CDH13: variants seen among roughly 807,000 people sequenced by gnomAD.
CDH13 encodes the protein cadherin-13.
Under a neutral mutation model 63.8 loss-of-function variants are expected in CDH13, and 24 were observed. The observed-to-expected ratio is 0.38, with a 90% CI of 0.27 to 0.53. CDH13 has a LOEUF of 0.53. Among genes scored for constraint, CDH13 ranks in the 20% least tolerant of loss-of-function variants. The pLI is 0.85. For missense variants in CDH13, 1,049 were observed against 903.1 expected (o/e 1.16, Z -2.07); for synonymous variants, 503 against 355.3 (o/e 1.42, Z -4.67).
intron 3 of CDH13, among the ~76,000 whole-genome samples, chr16:83,048,904 C>T (rs984881314): frequency 6.6e-6 from 1 of 152,108 alleles, no homozygotes; most frequent in Non-Finnish European, 1.5e-5. Flanking sequence ...AAGCCATCTT[C>T]ACTCAACATC....
At chr16:82,656,986 A>G (rs1911375669) in intron 1 of CDH13, among the ~76,000 whole-genome samples, 1 of 147,812 alleles carries the variant, frequency 6.8e-6, no homozygotes, top group African/African-American at 2.5e-5. Flanking sequence ...TTATCCATTG[A>G]CCTACTTAAG....
chr16:83,711,018 A>G (rs1325784912), intron 10 of CDH13, among the ~76,000 whole-genome samples: 2 of 152,228 alleles, frequency 1.3e-5, no homozygotes, highest in African/African-American at 4.8e-5. Context: ...GCTGCTCAGC[A>G]TGGATCAGTG....
intron 1 of CDH13, among the ~76,000 whole-genome samples, chr16:82,703,284 C>T (rs923899867): frequency 6.6e-6 from 1 of 152,044 alleles, no homozygotes; most frequent in Non-Finnish European, 1.5e-5. Context: ...CCTCTCAGTG[C>T]CCTACTTATG....
At chr16:83,007,675 T>A (rs181769609) in intron 2 of CDH13, among the ~76,000 whole-genome samples, 73 of 151,996 alleles carry the variant, frequency 4.8e-4, no homozygotes, top group Non-Finnish European at 7.8e-4. Context: ...ACTAAAAATA[T>A]TAGCTGGGCA....
chr16:83,666,596 A>G (rs72795399), intron 8 of CDH13, among the ~76,000 whole-genome samples: 16,034 of 152,264 alleles, frequency 0.11, 937 homozygotes, highest in East Asian at 0.23. Flanking sequence ...CTGATGTCAT[A>G]GAGTTCTCTC....
intron 5 of CDH13, among the ~76,000 whole-genome samples, chr16:83,227,914 C>G (rs898204192): frequency 1.3e-5 from 2 of 152,170 alleles, no homozygotes; most frequent in African/African-American, 4.8e-5. Context: ...AAACAACCAC[C>G]AAATCCCTGC....
At chr16:83,058,709 G>T (rs191882504) in intron 3 of CDH13, among the ~76,000 whole-genome samples, 9 of 152,270 alleles carry the variant, frequency 5.9e-5, no homozygotes, top group Admixed American at 5.9e-4. Context: ...AAACAGAAGA[G>T]TCTTATGTAG....
intron 6 of CDH13, among the ~76,000 whole-genome samples, chr16:83,413,786 G>C (rs914200331): frequency 6.6e-6 from 1 of 151,988 alleles, no homozygotes; most frequent in Non-Finnish European, 1.5e-5. Context: ...TTGGGAGTTC[G>C]AGTCCAGCCT....
At chr16:82,681,983 C>G (rs1357819135) in intron 1 of CDH13, among the ~76,000 whole-genome samples, 1 of 152,230 alleles carries the variant, frequency 6.6e-6, no homozygotes, top group Non-Finnish European at 1.5e-5. Flanking sequence ...TTCCCCTCTT[C>G]CCTCCTGGTT....
In CDH13 at chr16:82,926,284, C is replaced by CA. The variant is rs528860186; in HGVS notation, c.157+67823dup. 7.5e-3 allele frequency among the ~76,000 whole-genome samples: 883 copies of CA among 118,282 alleles called. 6 individuals are homozygous for CA. Among genetic ancestry groups the CA allele is most frequent in the African/African-American group, 0.019 (614 of 32,796 alleles). The allele number at this position is 118,282 out of a possible 152,430, so 77.6% of individuals were successfully genotyped here. Reference sequence around the variant, plus strand: ...CAGTGTTCCAGTAAAACGTTATTTCCAAAAAAAAAAAAGAAAAAAAAAGGC... The same window carrying CA: ...CAGTGTTCCAGTAAAACGTTATTTCCAAAAAAAAAAAAAGAAAAAAAAAGGC... On this transcript the variant is annotated intron_variant, in intron 2 of 13. Transcript: ENST00000567109.
chr16:83,477,902 C>G (rs539425962), intron 6 of CDH13, among the ~76,000 whole-genome samples: 1 of 152,188 alleles, frequency 6.6e-6, no homozygotes, highest in South Asian at 2.1e-4. Context: ...CAAAAGATGG[C>G]TGGACGCGGT....
chr16:83,487,058 C>A (rs935134400), intron 7 of CDH13, among the ~76,000 whole-genome samples: 5 of 152,122 alleles, frequency 3.3e-5, no homozygotes, highest in African/African-American at 1.2e-4. Context: ...GTTGCAGAGT[C>A]AAATGCCCAT....
At chr16:83,750,991 A>C (rs1291500932) in intron 11 of CDH13, among the ~76,000 whole-genome samples, 1 of 145,800 alleles carries the variant, frequency 6.9e-6, no homozygotes, top group African/African-American at 2.6e-5. Context: ...AAAAAAAAAA[A>C]CAGGTAAAGC....
intron 2 of CDH13, among the ~76,000 whole-genome samples, chr16:82,955,183 C>G (rs905799880): frequency 1.3e-5 from 2 of 152,260 alleles, no homozygotes; most frequent in East Asian, 1.9e-4. Flanking sequence ...TTTTGAGGAA[C>G]TGCCAGATTC....
intron 5 of CDH13, among the ~76,000 whole-genome samples, chr16:83,281,706 C>T (rs1335108015): frequency 1.3e-5 from 2 of 150,568 alleles, no homozygotes; most frequent in Non-Finnish European, 2.9e-5. Context: ...GTCAGGAGTT[C>T]GAGACCAGCC....
chr16:83,156,163 C>T (rs922981130), intron 4 of CDH13, among the ~76,000 whole-genome samples: 2 of 152,148 alleles, frequency 1.3e-5, no homozygotes, highest in African/African-American at 2.4e-5. Flanking sequence ...TTGAACATAG[C>T]GTGGTTATAA....
chr16:83,711,824 T>A (rs1908100454), intron 10 of CDH13, among the ~76,000 whole-genome samples: 1 of 152,244 alleles, frequency 6.6e-6, no homozygotes, highest in Non-Finnish European at 1.5e-5. Context: ...CTGGCCAGCA[T>A]GTTTTTAGGT....
intron 4 of CDH13, among the ~76,000 whole-genome samples, chr16:83,149,578 C>G (rs2036888171): frequency 6.6e-6 from 1 of 152,132 alleles, no homozygotes; most frequent in Admixed American, 6.6e-5. Flanking sequence ...TATTCTTTGT[C>G]TACTGAAATT....
chr16:83,464,934 G>GT (rs2073271284), intron 6 of CDH13, among the ~76,000 whole-genome samples: 4 of 152,140 alleles, frequency 2.6e-5, no homozygotes, highest in Admixed American at 1.3e-4. Flanking sequence ...TGAGCCACTA[G>GT]ATTTTTTACT....
Sources: gnomAD v4.1 joint callset for allele counts (sites outside exome capture counted in the v4.1 genomes callset) on GRCh38, gnomAD v4.1.1 for gene constraint, MANE v1.5 for transcripts, NCBI Gene and HGNC (gene_info 2026-07-23, HGNC 2026-07-21) for gene names.